Variants in ADAMTSL3 observed in about 807,000 individuals in gnomAD.
ADAMTSL3 encodes ADAMTS-like protein 3.
A neutral mutation model predicts 201.7 loss-of-function variants in ADAMTSL3; 128 were observed. The ratio of observed to expected loss-of-function variants is 0.63; its 90% CI spans 0.55 to 0.73. The LOEUF is 0.73. Ranked by LOEUF, ADAMTSL3 falls within the 30% of genes least tolerant of loss-of-function variation. The pLI is 0.00. For synonymous variants in ADAMTSL3, 738 were observed against 748.4 expected (o/e 0.99, Z 0.23); for missense variants, 1,990 against 2,119.6 (o/e 0.94, Z 1.20).
At chr15:83,695,291 A>G (rs2061673191) in intron 2 of ADAMTSL3, among the ~76,000 whole-genome samples, 1 of 3,300 alleles carries the variant, frequency 3.0e-4, no homozygotes, top group African/African-American at 1.3e-3. Flanking sequence ...AGGGGAGGGA[A>G]GGAGAGAGAG....
chr15:83,673,323 A>G (rs1346800021), intron 2 of ADAMTSL3, among the ~76,000 whole-genome samples: 5 of 152,250 alleles, frequency 3.3e-5, no homozygotes. Flanking sequence ...GTTAATTGAT[A>G]AACGAATAGA....
chr15:83,821,263 T>C (rs2063859914), intron 6 of ADAMTSL3, among the ~76,000 whole-genome samples: 1 of 151,924 alleles, frequency 6.6e-6, no homozygotes, highest in Admixed American at 6.6e-5. Context: ...TTTTTTTTAA[T>C]TGATCATTCT....
At chr15:83,784,558 A>G (rs1192754583) in intron 4 of ADAMTSL3, among the ~76,000 whole-genome samples, 1 of 152,152 alleles carries the variant, frequency 6.6e-6, no homozygotes, top group Non-Finnish European at 1.5e-5. Flanking sequence ...GGGAAGTTCA[A>G]TATATACGCT....
At chr15:83,656,391 A>C (rs1003156975) in intron 2 of ADAMTSL3, among the ~76,000 whole-genome samples, 2 of 152,188 alleles carry the variant, frequency 1.3e-5, no homozygotes, top group South Asian at 4.1e-4. Context: ...CCTAAGAGAC[A>C]ATAGAGAGTA....
intron 7 of ADAMTSL3, among the ~76,000 whole-genome samples, chr15:83,845,984 G>A (rs2064489980): frequency 1.3e-5 from 2 of 151,964 alleles, no homozygotes; most frequent in Admixed American, 1.3e-4. Context: ...AAGGTGTGTC[G>A]ACTTGACCTA....
rs945806176 is a variant in ADAMTSL3 at position 83,729,869 on chromosome 15, C to T, written c.189+25361C>T. The stretch of plus-strand genomic sequence containing the variant: ...AGTTGGATATTTATTGTCGTCTTCT[C>T]AGTTTGGGCTTGTTTGTACCCATCC... On this transcript the variant is annotated intron_variant, in intron 3 of 29. Transcript: ENST00000286744. Among the ~76,000 whole-genome samples, 3 of 152,126 alleles carry T rather than the reference C, an allele frequency of 2.0e-5. No individual in the cohort carries two copies. The East Asian group carries it at 5.8e-4, about 30-fold the overall frequency.
intron 26 of ADAMTSL3, among the ~76,000 whole-genome samples, chr15:84,023,258 A>T (rs570209270): frequency 2.3e-4 from 35 of 152,372 alleles, no homozygotes; most frequent in African/African-American, 7.7e-4. Flanking sequence ...AATCCATAGT[A>T]AAAACAATTA....
intron 20 of ADAMTSL3, among the ~76,000 whole-genome samples, chr15:83,976,392 G>A (rs1395859525): frequency 1.3e-5 from 2 of 152,112 alleles, no homozygotes; most frequent in African/African-American, 4.8e-5. Context: ...CCAGTTTCAT[G>A]GAAGACAGTT....
At chr15:83,921,036 G>A (rs1395444842) in intron 16 of ADAMTSL3, among the ~76,000 whole-genome samples, 1 of 152,118 alleles carries the variant, frequency 6.6e-6, no homozygotes, top group Non-Finnish European at 1.5e-5. Flanking sequence ...ATTTCATGAG[G>A]ATACTGAAAT....
In ADAMTSL3 at chr15:84,014,617, G is replaced by A; in HGVS notation, c.4049G>A (p.Gly1350Glu). The A allele has an allele frequency of 1.9e-6, 3 of 1,613,760 alleles. No individual in the cohort carries two copies. The highest frequency in any genetic ancestry group is 2.5e-6 in the Non-Finnish European group (3 of 1,179,894). ...GGCAATGTTTCCTTGCTTTTCAATGGATCCCTGTTGTTGCAGAATGTTTCC... is the reference window on the plus strand; with the variant it reads ...GGCAATGTTTCCTTGCTTTTCAATGAATCCCTGTTGTTGCAGAATGTTTCC... Reference protein sequence around the residue: ...LSGNVSLLFNGSLLLQNVSLE... With the variant: ...LSGNVSLLFNESLLLQNVSLE... Residue 1350 changes from glycine (G) to glutamate (E), a missense_variant, in exon 24 of 30, where the codon GGA becomes GAA. Gly to Glu is a moderately conservative substitution (Grantham distance 98). Transcript: ENST00000286744.
In ADAMTSL3 at chr15:83,971,563, AAAAAAAAAAAAAAAG is replaced by A. The variant is rs1193335715; in HGVS notation, c.2644+930_2644+944del. Among the ~76,000 whole-genome samples, 165 of 145,488 alleles carry A rather than the reference AAAAAAAAAAAAAAAG, an allele frequency of 1.1e-3. 2 individuals are homozygous for A. Among genetic ancestry groups the A allele is most frequent in the Admixed American group, 3.5e-3 (50 of 14,448 alleles). ...CAGAGTGTGAGACTCTGTCTCAAAA[AAAAAAAAAAAAAAAG>A]AAAGAAAGAAAAAAAGAGTTGTGTG... On this transcript the variant is annotated intron_variant, in intron 20 of 29. Transcript: ENST00000286744.
intron 4 of ADAMTSL3, 114 bp from the exon 5 acceptor site, chr15:83,804,536 A>G (rs2063572976): frequency 1.5e-6 from 1 of 681,482 alleles, no homozygotes; most frequent in South Asian, 2.0e-5. Context: ...AATGTGCACT[A>G]GTAAAAGTTT....
At chr15:83,706,332 A>T (rs2061850878) in intron 3 of ADAMTSL3, among the ~76,000 whole-genome samples, 2 of 152,200 alleles carry the variant, frequency 1.3e-5, no homozygotes, top group African/African-American at 4.8e-5. Context: ...GTCTTTTCAA[A>T]AGGTCTAAAG....
At chr15:83,901,823 G>C (rs896553393) in intron 15 of ADAMTSL3, among the ~76,000 whole-genome samples, 2 of 122,618 alleles carry the variant, frequency 1.6e-5, no homozygotes, top group Non-Finnish European at 3.3e-5. Context: ...GAAAGAAAAG[G>C]GTTTGAGGCA....
chr15:83,747,258 C>A (rs2062561415), intron 3 of ADAMTSL3, among the ~76,000 whole-genome samples: 3 of 152,206 alleles, frequency 2.0e-5, no homozygotes, highest in Non-Finnish European at 1.5e-5. Context: ...TCCCTAATCC[C>A]ACACTTGCAT....
chr15:83,914,745 C>G (rs1006856906), intron 16 of ADAMTSL3, among the ~76,000 whole-genome samples: 8 of 152,374 alleles, frequency 5.3e-5, no homozygotes, highest in Admixed American at 1.3e-4. Context: ...GGTTGCCCCC[C>G]ACACTGCCTT....
At chr15:83,753,854 G>A (rs1479519070) in intron 3 of ADAMTSL3, among the ~76,000 whole-genome samples, 5 of 152,152 alleles carry the variant, frequency 3.3e-5, no homozygotes, top group Non-Finnish European at 7.3e-5. Context: ...TCCATGTAGA[G>A]TACTATTTTG....
At chr15:83,716,365 A>G (rs956653289) in intron 3 of ADAMTSL3, among the ~76,000 whole-genome samples, 6 of 151,264 alleles carry the variant, frequency 4.0e-5, no homozygotes, top group Admixed American at 2.0e-4. Flanking sequence ...ACACACACAC[A>G]AATTAGCTAG....
intron 8 of ADAMTSL3, chr15:83,861,372 C>T (rs1004221699): frequency 1.3e-5 from 2 of 153,620 alleles, no homozygotes; most frequent in African/African-American, 4.8e-5. Context: ...GAGTCACCCC[C>T]TAGTAGGGGC....
Sources: gnomAD v4.1 joint callset for allele counts (sites outside exome capture counted in the v4.1 genomes callset) on GRCh38, gnomAD v4.1.1 for gene constraint, MANE v1.5 for transcripts, NCBI Gene and HGNC (gene_info 2026-07-23, HGNC 2026-07-21) for gene names.